The following CSMD1 variants were observed in gnomAD, a reference collection of about 807,000 sequenced individuals.
The protein encoded by CSMD1 is CUB and sushi domain-containing protein 1.
A neutral mutation model predicts 417.5 loss-of-function variants in CSMD1; 213 were observed. That is an observed-to-expected ratio of 0.51 (90% CI 0.46 to 0.57). CSMD1 has a LOEUF of 0.57. CSMD1 is among the 20% of genes least tolerant of loss of function. CSMD1 has a pLI of 0.00. For synonymous variants in CSMD1, 2,862 were observed against 1,736.8 expected (o/e 1.65, Z -16.11); for missense variants, 6,923 against 4,529.7 (o/e 1.53, Z -15.17).
chr8:4,343,389 A>G (rs879569410), intron 3 of CSMD1, among the ~76,000 whole-genome samples: 2 of 152,064 alleles, frequency 1.3e-5, no homozygotes, highest in Non-Finnish European at 2.9e-5. Flanking sequence ...TCTTGCTAAG[A>G]GAGCTGACCT....
intron 17 of CSMD1, among the ~76,000 whole-genome samples, chr8:3,388,136 C>T (rs933093429): frequency 6.6e-6 from 1 of 152,142 alleles, no homozygotes; most frequent in Non-Finnish European, 1.5e-5. Context: ...TGCATACATA[C>T]ACCCAAACAT....
At chr8:3,901,028 C>T (rs1175201789) in intron 5 of CSMD1, among the ~76,000 whole-genome samples, 1 of 152,136 alleles carries the variant, frequency 6.6e-6, no homozygotes, top group African/African-American at 2.4e-5. Flanking sequence ...ATTGACATTA[C>T]TTTGGTAATA....
At position 2,936,425 on chromosome 8, in the gene CSMD1, T is replaced by G. The variant is rs1448582972; in HGVS notation, c.*2160A>C. 2.0e-5 allele frequency: 3 copies of G among 151,782 alleles called. No homozygotes were observed. 9.4% of individuals were successfully genotyped at this position (151,782 alleles called of 1,614,324 possible). ...TATACACTAATATGTATAGTAACCC[T>G]GTTCTCCCTTGCACACGAGCCTCCT... On this transcript the variant is annotated 3_prime_UTR_variant, in exon 70 of 70. Coordinates refer to ENST00000635120, the MANE Select transcript of CSMD1 (RefSeq NM_033225.6).
In CSMD1 at chr8:4,744,369, T is replaced by G. The variant is rs568505891; in HGVS notation, c.86-106811A>C. ...CACAACTTCTTTCCATTTCAGTGTT[T>G]CGTATTGTCTCTTCTCCAACCTCTC... On this transcript the variant is annotated intron_variant, in intron 1 of 69. Transcript: ENST00000635120. Among the ~76,000 whole-genome samples the G allele has an allele frequency of 3.9e-5, 6 of 152,322 alleles. No individual in the cohort carries two copies. The East Asian group carries it at 9.7e-4, about 25-fold the overall frequency.
At chr8:3,464,031 T>C (rs572326083) in intron 12 of CSMD1, among the ~76,000 whole-genome samples, 1 of 152,208 alleles carries the variant, frequency 6.6e-6, no homozygotes, top group African/African-American at 2.4e-5. Flanking sequence ...ATAATTTTAC[T>C]GGAATCACTC....
chr8:4,799,118 C>T (rs533705029), intron 1 of CSMD1, among the ~76,000 whole-genome samples: 1 of 152,250 alleles, frequency 6.6e-6, no homozygotes, highest in South Asian at 2.1e-4. Flanking sequence ...GGGTCACGCC[C>T]CTGGGATCTT....
intron 2 of CSMD1, among the ~76,000 whole-genome samples, chr8:4,434,728 C>T (rs1215557331): frequency 6.6e-6 from 1 of 152,126 alleles, no homozygotes; most frequent in Non-Finnish European, 1.5e-5. Flanking sequence ...CAGTGCTCAT[C>T]CGGTGATTTT....
At chr8:4,066,759 C>G (rs148513558) in intron 3 of CSMD1, among the ~76,000 whole-genome samples, 1 of 152,164 alleles carries the variant, frequency 6.6e-6, no homozygotes, top group Admixed American at 6.5e-5. Context: ...AAACCACAAG[C>G]AAATACGGAA....
At chr8:4,036,760 A>C (rs994253701) in intron 3 of CSMD1, among the ~76,000 whole-genome samples, 74 of 152,354 alleles carry the variant, frequency 4.9e-4, no homozygotes, top group Middle Eastern at 3.4e-3. Context: ...CAGGTCCTCA[A>C]ATAGCACTGT....
At chr8:4,695,332 C>A (rs763307334) in intron 1 of CSMD1, among the ~76,000 whole-genome samples, 2 of 152,056 alleles carry the variant, frequency 1.3e-5, no homozygotes, top group African/African-American at 2.4e-5. Context: ...CTTCATTCAG[C>A]CTACATCCAT....
intron 5 of CSMD1, among the ~76,000 whole-genome samples, chr8:3,789,041 T>A (rs987746214): frequency 3.9e-5 from 6 of 152,220 alleles, no homozygotes; most frequent in Admixed American, 6.5e-5. Context: ...ATGTTCTGAA[T>A]GTTTCTGTCC....
intron 3 of CSMD1, among the ~76,000 whole-genome samples, chr8:4,307,524 G>T (rs748251616): frequency 2.0e-5 from 3 of 152,076 alleles, no homozygotes; most frequent in Admixed American, 6.6e-5. Context: ...AACCATGCCT[G>T]GTCTGTTCAA....
chr8:4,924,132 C>A (rs1806692283), intron 1 of CSMD1, among the ~76,000 whole-genome samples: 2 of 152,146 alleles, frequency 1.3e-5, no homozygotes, highest in African/African-American at 4.8e-5. Flanking sequence ...TCCAGGCTCA[C>A]AAATAAACAT....
At chr8:3,548,538 A>T (rs1035595765) in intron 10 of CSMD1, among the ~76,000 whole-genome samples, 11 of 151,830 alleles carry the variant, frequency 7.2e-5, no homozygotes, top group African/African-American at 2.4e-4. Flanking sequence ...GAATGAGAAC[A>T]TACGATGTTT....
At chr8:4,909,275 G>A (rs1392484835) in intron 1 of CSMD1, among the ~76,000 whole-genome samples, 3 of 152,030 alleles carry the variant, frequency 2.0e-5, no homozygotes, top group African/African-American at 7.2e-5. Flanking sequence ...TAGTGATCCT[G>A]TGTTTCAGGG....
intron 30 of CSMD1, among the ~76,000 whole-genome samples, chr8:3,212,027 G>A (rs143922447): frequency 2.3e-3 from 348 of 152,196 alleles, no homozygotes; most frequent in Non-Finnish European, 4.0e-3. Flanking sequence ...CCACTTCTTC[G>A]TTTGTCTCCG....
chr8:4,161,848 C>T (rs372810345), intron 3 of CSMD1, among the ~76,000 whole-genome samples: 3 of 151,984 alleles, frequency 2.0e-5, no homozygotes, highest in African/African-American at 7.2e-5. Flanking sequence ...GCATTTTTTT[C>T]TTTGCCATAG....
chr8:3,840,148 T>G (rs1323124822), intron 5 of CSMD1, among the ~76,000 whole-genome samples: 1 of 152,172 alleles, frequency 6.6e-6, no homozygotes, highest in African/African-American at 2.4e-5. Context: ...CCTTTATACT[T>G]AATGTTTTCT....
At chr8:3,326,326 T>A (rs549162050) in intron 23 of CSMD1, among the ~76,000 whole-genome samples, 28 of 152,226 alleles carry the variant, frequency 1.8e-4, no homozygotes, top group Non-Finnish European at 3.2e-4. Context: ...TGTGTCACTG[T>A]CTTTTCTTAC....
Sources: allele counts gnomAD v4.1 joint callset (sites outside exome capture counted in the v4.1 genomes callset), GRCh38; gene constraint gnomAD v4.1.1; transcripts MANE v1.5; gene names NCBI Gene and HGNC (gene_info 2026-07-23, HGNC 2026-07-21).